PCDHGB3: variants seen among roughly 807,000 people sequenced by gnomAD.
The protein encoded by PCDHGB3 is protocadherin gamma subfamily B, 3.
In PCDHGB3, 40 loss-of-function variants were observed where a neutral mutation model predicts 59.2. That is an observed-to-expected ratio of 0.68 (90% confidence interval 0.52 to 0.88). The LOEUF is 0.88. Among genes scored for constraint, PCDHGB3 ranks in the 40% least tolerant of loss-of-function variants. The pLI is 0.00. For missense variants in PCDHGB3, 1,309 were observed against 1,187.9 expected (o/e 1.10, Z -1.50); for synonymous variants, 581 against 503.6 (o/e 1.15, Z -2.06).
At position 141,485,162 on chromosome 5, in the gene PCDHGB3, C is replaced by A. The variant is rs759021453; in HGVS notation, c.2416-9645C>A. The A allele has an allele frequency of 8.7e-6, 14 of 1,602,188 alleles. No individual in the cohort carries two copies. The Admixed American group carries it at 2.0e-4, about 23-fold the overall frequency. ...GTCTCAGGAGCAAGTAGAGAATTAGCGGGCGGCAGCAATGCTCCGCAAGGT... is the reference window on the plus strand; with the variant it reads ...GTCTCAGGAGCAAGTAGAGAATTAGAGGGCGGCAGCAATGCTCCGCAAGGT... On this transcript the variant is annotated intron_variant, in intron 1 of 3. Transcript: ENST00000576222. The surrounding 1 kb of genome is among the most constrained non-coding windows in gnomAD (Gnocchi z 5.7).
chr5:141,510,069 CCAGCAGAGTGCCTGG>C (rs994886462), intron 3 of PCDHGB3, among the ~76,000 whole-genome samples: 12 of 152,260 alleles, frequency 7.9e-5, no homozygotes, highest in Admixed American at 7.8e-4. Context: ...TGTGAAGCAT[CCAGCAGAGTGCCTGG>C]CACACAGTAG....
intron 2 of PCDHGB3, among the ~76,000 whole-genome samples, chr5:141,500,046 T>C (rs959260262): frequency 1.3e-5 from 2 of 152,098 alleles, no homozygotes; most frequent in African/African-American, 4.8e-5. Context: ...TTAAGTATCT[T>C]AATGCTCTTT....
chr5:141,414,000 A>T (rs759228883), intron 1 of PCDHGB3: 2 of 1,613,282 alleles, frequency 1.2e-6, no homozygotes, highest in African/African-American at 2.7e-5. Flanking sequence ...ACAGGGACGA[A>T]GGTGCCAATG....
chr5:141,491,152 G>A lies in PCDHGB3; in HGVS notation c.2416-3655G>A. 1 of 1,614,168 alleles carries A rather than the reference G, an allele frequency of 6.2e-7. No homozygotes were observed. The highest frequency in any genetic ancestry group is 8.5e-7 in the Non-Finnish European group (1 of 1,179,990). On this transcript the variant is annotated intron_variant, in intron 1 of 3. Transcript: ENST00000576222. The surrounding 1 kb of genome is among the most constrained non-coding windows in gnomAD (Gnocchi z 6.9). ...CACAGCCCGGGCCTTACTGGAGGAT[G>A]ACTCTGACACCCAGCAGGTGGTGGT...
rs749995138 is a variant in PCDHGB3 at position 141,408,745 on chromosome 5, G to A, written c.2415+35936G>A. The A allele has an allele frequency of 3.7e-6, 6 of 1,609,862 alleles. No homozygotes were observed. In the African/African-American group the frequency reaches 4.0e-5, roughly 11 times the overall value. ...ACTCTAATCCTTATTTTTCATTAAT[G>A]GTTAGAGTTAATTCCGATGGTGGCA... On this transcript the variant is annotated intron_variant, in intron 1 of 3. Transcript: ENST00000576222.
At chr5:141,391,973 G>A (rs1461017619) in intron 1 of PCDHGB3, 2 of 152,056 alleles carry the variant, frequency 1.3e-5, no homozygotes, top group Non-Finnish European at 2.9e-5. Context: ...AAATAAAATA[G>A]CAAAACAATG....
intron 1 of PCDHGB3, chr5:141,419,537 C>G (rs368875631): frequency 1.2e-6 from 2 of 1,612,040 alleles, no homozygotes; most frequent in Non-Finnish European, 1.7e-6. Flanking sequence ...CGACAACGCA[C>G]CGCGGGTGCT....
chr5:141,430,832 G>A (rs1398773861), intron 1 of PCDHGB3: 1 of 1,555,686 alleles, frequency 6.4e-7, no homozygotes, highest in South Asian at 1.3e-5. Flanking sequence ...GACTCTGTGG[G>A]AGACCGGATG....
intron 1 of PCDHGB3, chr5:141,403,406 T>A: frequency 6.2e-7 from 1 of 1,614,058 alleles, no homozygotes; most frequent in South Asian, 1.1e-5. Flanking sequence ...TGGAGCACGT[T>A]ATCCACTTCC....
chr5:141,477,551 C>A lies in PCDHGB3; in HGVS notation c.2416-17256C>A. The A allele has an allele frequency of 6.2e-7, 1 of 1,614,178 alleles. No homozygotes were observed. The highest frequency in any genetic ancestry group is 1.3e-5 in the African/African-American group (1 of 75,032). ...CCTCCCCGGGGCTCCAATACTAAAC[C>A]TAAGTGTCTGGGACCCCGACGCCCC... is the stretch of plus-strand genomic sequence containing the variant. On this transcript the variant is annotated intron_variant, in intron 1 of 3. Transcript: ENST00000576222. The surrounding 1 kb of genome is among the most constrained non-coding windows in gnomAD (Gnocchi z 4.9).
rs2099615817 is a variant in PCDHGB3 at position 141,485,564 on chromosome 5, C to G, written c.2416-9243C>G. On this transcript the variant is annotated intron_variant, in intron 1 of 3. Coordinates refer to ENST00000576222, the MANE Select transcript of PCDHGB3 (RefSeq NM_018924.5). This position sits in a 1 kb window ranked among gnomAD's most constrained non-coding sequence, Gnocchi z 5.7. ...GATCGTAGATGTGAATGATCACGCCCCCCGTTTTCCGCGGCAGCAGCTGGA... is the reference window on the plus strand; with the variant it reads ...GATCGTAGATGTGAATGATCACGCCGCCCGTTTTCCGCGGCAGCAGCTGGA... 6.2e-7 allele frequency: 1 copy of G among 1,612,958 alleles called. No individual in the cohort carries two copies. The highest frequency in any genetic ancestry group is 8.5e-7 in the Non-Finnish European group (1 of 1,179,052).
chr5:141,487,749 A>G lies in PCDHGB3; in HGVS notation c.2416-7058A>G, dbSNP rs574710316. 3.9e-5 allele frequency: 60 copies of G among 1,557,180 alleles called. No homozygotes were observed. The African/African-American group carries it at 5.6e-4, about 14-fold the overall frequency. ...GTCACCATTTTTGTAAGAGGTAACT[A>G]TGTGGTAGACGCTGTGCTTTGTAAC... is the stretch of plus-strand genomic sequence containing the variant. On this transcript the variant is annotated intron_variant, in intron 1 of 3. Coordinates refer to ENST00000576222, the MANE Select transcript of PCDHGB3 (RefSeq NM_018924.5). The surrounding 1 kb of genome is among the most constrained non-coding windows in gnomAD (Gnocchi z 5.0).
intron 1 of PCDHGB3, chr5:141,415,403 A>C (rs757508926): frequency 4.3e-6 from 7 of 1,614,082 alleles, no homozygotes; most frequent in Non-Finnish European, 4.2e-6. Context: ...TCCGGCTCGC[A>C]CTTTGTGGGC....
chr5:141,473,988 G>A (rs1006988447), intron 1 of PCDHGB3, among the ~76,000 whole-genome samples: 1 of 152,118 alleles, frequency 6.6e-6, no homozygotes, highest in African/African-American at 2.4e-5. Flanking sequence ...AGGATCCCTT[G>A]AGCCCAAGGA....
At chr5:141,404,436 C>A in intron 1 of PCDHGB3, 1 of 1,612,704 alleles carries the variant, frequency 6.2e-7, no homozygotes, top group Non-Finnish European at 8.5e-7. Flanking sequence ...GCAGAGGATA[C>A]CATCCAAGGG....
intron 1 of PCDHGB3, chr5:141,393,668 T>C (rs1048580916): frequency 6.2e-7 from 1 of 1,613,872 alleles, no homozygotes. Context: ...GGAAAATTAA[T>C]GAAAAACAAA....
chr5:141,481,913 C>CA (rs34114744), intron 1 of PCDHGB3, among the ~76,000 whole-genome samples: 1,134 of 90,654 alleles, frequency 0.013, 16 homozygotes, highest in East Asian at 0.053. Flanking sequence ...AACTCCATCT[C>CA]AAAAAAAAAA....
intron 1 of PCDHGB3, among the ~76,000 whole-genome samples, chr5:141,407,479 T>C (rs1042229151): frequency 1.4e-5 from 2 of 144,060 alleles, no homozygotes; most frequent in East Asian, 1.9e-4. Context: ...GAATGGAGTA[T>C]GGAAAATCTT....
chr5:141,385,267 T>G lies in PCDHGB3; in HGVS notation c.2415+12458T>G, dbSNP rs965746690. On this transcript the variant is annotated intron_variant, in intron 1 of 3. Transcript: ENST00000576222. ...CCAGGAGAGCTGTGAGAAAAATGAT[T>G]CTTTGCTAACATCCGTAGATTTTCA... 10 of 1,614,058 alleles carry G rather than the reference T, an allele frequency of 6.2e-6. No individual in the cohort carries two copies. In the African/African-American group the frequency reaches 1.2e-4, roughly 19 times the overall value.
Sources: gnomAD v4.1 joint callset for allele counts (sites outside exome capture counted in the v4.1 genomes callset) on GRCh38, gnomAD v4.1.1 for gene constraint, Gnocchi (gnomAD v3.1) non-coding constraint, MANE v1.5 for transcripts, NCBI Gene and HGNC (gene_info 2026-07-23, HGNC 2026-07-21) for gene names.